PHF3: variants seen among roughly 807,000 people sequenced by gnomAD.
The protein encoded by PHF3 is PHD finger protein 3.
A neutral mutation model predicts 178.4 loss-of-function variants in PHF3; 41 were observed. That is an observed-to-expected ratio of 0.23 (90% CI 0.18 to 0.30). The LOEUF is 0.30. PHF3 is among the 10% of genes least tolerant of loss of function. The pLI is 1.00. For missense variants in PHF3, 2,346 were observed against 2,398.1 expected (o/e 0.98, Z 0.45); for synonymous variants, 842 against 800.5 (o/e 1.05, Z -0.88).
rs566159791 is a variant in PHF3, at chr6:63,662,329, G to T, written c.244+15534G>T. Among the ~76,000 whole-genome samples, 28 of 152,184 alleles carry T rather than the reference G, an allele frequency of 1.8e-4. 1 individual carries two copies. The South Asian group carries it at 5.6e-3, about 30-fold the overall frequency. On this transcript the variant is annotated intron_variant, in intron 2 of 15. Transcript: ENST00000262043. ...AAGCTCCACAGCTTCAGACACAAAG[G>T]AAGATCATTTTGGTATAATTTTTGT... is the stretch of plus-strand genomic sequence containing the variant.
intron 11 of PHF3, among the ~76,000 whole-genome samples, chr6:63,705,172 C>T (rs1254935083): frequency 6.6e-6 from 1 of 152,202 alleles, no homozygotes; most frequent in Non-Finnish European, 1.5e-5. Flanking sequence ...CTTCATGTTA[C>T]TTCTCGAGAC....
chr6:63,640,014 A>G lies in PHF3; in HGVS notation c.-26+3864A>G, dbSNP rs1021282376. ...AACATCTTCAGATCCTTTCCTAGGG[A>G]CTTAGGTCTGCTTTGGTCTTAGTTG... is the stretch of plus-strand genomic sequence containing the variant. On this transcript the variant is annotated intron_variant, in intron 1 of 15. Transcript: ENST00000262043. Among the ~76,000 whole-genome samples, 5 of 152,132 alleles carry G rather than the reference A, an allele frequency of 3.3e-5. No individual in the cohort carries two copies. The East Asian group carries it at 7.7e-4, about 23-fold the overall frequency.
intron 2 of PHF3, among the ~76,000 whole-genome samples, chr6:63,650,373 A>G (rs994056346): frequency 6.6e-6 from 1 of 151,856 alleles, no homozygotes; most frequent in Non-Finnish European, 1.5e-5. Context: ...TTGAACTCTT[A>G]CAGGTATCCC....
At chr6:63,697,770 TA>T (rs1582098914) in intron 6 of PHF3, among the ~76,000 whole-genome samples, 1 of 152,176 alleles carries the variant, frequency 6.6e-6, no homozygotes, top group East Asian at 1.9e-4. Flanking sequence ...AATGTGCTGG[TA>T]TAATAAGTCA....
Position 63,684,966 on chromosome 6 carries a change from A to C in PHF3, c.1244A>C (p.Glu415Ala). The change falls in exon 4 of 16, where the codon GAG (glutamate) becomes GCG (alanine). Residue 415 changes from glutamate to alanine, a missense_variant. Glu to Ala is a moderately radical substitution (Grantham distance 107, BLOSUM62 -1). This residue lies in a region of PHF3 where 843 missense variants were observed against 795.2 expected (regional missense o/e 1.06). Coordinates refer to ENST00000262043, the MANE Select transcript of PHF3 (RefSeq NM_001370348.2). Reference sequence around the variant, plus strand: ...TCTAATAGGCAGTTGGAGAGCACTGAGTTTAATAAATCAAACTTAGAGGTG... The same window carrying C: ...TCTAATAGGCAGTTGGAGAGCACTGCGTTTAATAAATCAAACTTAGAGGTG... Reference protein sequence around the residue: ...AESNRQLESTEFNKSNLEVVD... With the variant: ...AESNRQLESTAFNKSNLEVVD... 6.2e-7 allele frequency: 1 copy of C among 1,614,048 alleles called. No individual in the cohort carries two copies. Among genetic ancestry groups the C allele is most frequent in the South Asian group, 1.1e-5 (1 of 91,074 alleles).
intron 13 of PHF3, among the ~76,000 whole-genome samples, chr6:63,707,502 GAC>G (rs1486906401): frequency 1.3e-5 from 2 of 152,172 alleles, no homozygotes; most frequent in Non-Finnish European, 2.9e-5. Context: ...TGATAAATGA[GAC>G]AGTGACATTT....
intron 9 of PHF3, among the ~76,000 whole-genome samples, chr6:63,701,560 C>G (rs979851014): frequency 1.3e-5 from 2 of 152,134 alleles, no homozygotes; most frequent in Admixed American, 6.5e-5. Flanking sequence ...CATATTAACT[C>G]TACATGATTT....
At position 63,709,216 on chromosome 6, in the gene PHF3, A is replaced by T. The variant is rs770099050; in HGVS notation, c.3777A>T (p.Glu1259Asp). ...CTCAGACAGTTTGGGATTATGTGGAAAAAATAAAAGCATCAGGAACCAAGG... is the reference window on the plus strand; with the variant it reads ...CTCAGACAGTTTGGGATTATGTGGATAAAATAAAAGCATCAGGAACCAAGG... ...ISPQTVWDYVEKIKASGTKEI... is the reference protein window; with the variant it reads ...ISPQTVWDYVDKIKASGTKEI... Residue 1259 changes from glutamate to aspartate, a missense_variant, in exon 14 of 16, where the codon GAA becomes GAT. Around this residue, in one of 8 missense-constraint regions of PHF3, gnomAD observed 90 missense variants for 136.6 expected, o/e 0.66. Transcript: ENST00000262043. The T allele has an allele frequency of 3.7e-6, 6 of 1,612,208 alleles. No individual in the cohort carries two copies. Among genetic ancestry groups the T allele is most frequent in the Non-Finnish European group, 4.2e-6 (5 of 1,178,682 alleles).
At chr6:63,654,337 G>A (rs939690609) in intron 2 of PHF3, among the ~76,000 whole-genome samples, 4 of 152,062 alleles carry the variant, frequency 2.6e-5, no homozygotes, top group African/African-American at 9.7e-5. Flanking sequence ...CAGATGAGAT[G>A]GAAATACATT....
chr6:63,646,375 T>C (rs1764785702), intron 1 of PHF3, among the ~76,000 whole-genome samples, 152 bp from the exon 2 acceptor site: 1 of 152,200 alleles, frequency 6.6e-6, no homozygotes, highest in Non-Finnish European at 1.5e-5. Context: ...CAAATGTATA[T>C]TCTAAAAACA....
chr6:63,685,219 A>G lies in PHF3; in HGVS notation c.1497A>G (p.Gln499=), dbSNP rs768822085. ...CAAAACCTGTAATTCATTCTAAGCA[A>G]AACATGACCACAGATGCTCCGAAGA... is the stretch of plus-strand genomic sequence containing the variant. ...KHTKPVIHSK[Q]NMTTDAPKKI... Residue 499 remains glutamine (Q), a synonymous_variant, in exon 4 of 16, where the codon CAA becomes CAG. Transcript: ENST00000262043. The G allele has an allele frequency of 5.6e-6, 9 of 1,614,042 alleles. No individual in the cohort carries two copies. The highest frequency in any genetic ancestry group is 6.8e-6 in the Non-Finnish European group (8 of 1,179,992).
Position 63,716,747 on chromosome 6 carries a change from T to A in PHF3, c.*3039T>A, listed in dbSNP as rs1768202808. ...CCTTGGCTCATGATCCCTTCCTCCA[T>A]ATTTGAAGCCAGCAGTGTGGGACCC... On this transcript the variant is annotated 3_prime_UTR_variant, in exon 16 of 16. Coordinates refer to ENST00000262043, the MANE Select transcript of PHF3 (RefSeq NM_001370348.2). Among the ~76,000 whole-genome samples, 1 of 151,938 alleles carries A rather than the reference T, an allele frequency of 6.6e-6. No homozygotes were observed. Among genetic ancestry groups the A allele is most frequent in the African/African-American group, 2.4e-5 (1 of 41,390 alleles).
chr6:63,674,518 G>T (rs1450681601), intron 2 of PHF3, among the ~76,000 whole-genome samples: 1 of 151,654 alleles, frequency 6.6e-6, no homozygotes, highest in African/African-American at 2.4e-5. Flanking sequence ...TCGATGTAGT[G>T]TATCATACCT....
At chr6:63,690,459 G>A (rs903830306) in intron 4 of PHF3, among the ~76,000 whole-genome samples, 2 of 152,136 alleles carry the variant, frequency 1.3e-5, no homozygotes, top group Non-Finnish European at 2.9e-5. Context: ...TAAAAACACT[G>A]TAAGGATTGG....
chr6:63,708,866 C>A (rs930932962), intron 13 of PHF3, among the ~76,000 whole-genome samples: 4 of 152,160 alleles, frequency 2.6e-5, no homozygotes, highest in African/African-American at 9.7e-5. Context: ...ATGTGGTATG[C>A]TTGCCATTGC....
Position 63,713,787 on chromosome 6 carries a change from C to A in PHF3, c.*79C>A. ...TTGTAAACAAAAGAAAGATTGCCTGCTAGGATTGTGCCATCTTTAAAATTT... is the reference window on the plus strand; with the variant it reads ...TTGTAAACAAAAGAAAGATTGCCTGATAGGATTGTGCCATCTTTAAAATTT... On this transcript the variant is annotated 3_prime_UTR_variant, in exon 16 of 16. Transcript: ENST00000262043. 1.6e-6 allele frequency: 2 copies of A among 1,222,594 alleles called. No homozygotes were observed. The highest frequency in any genetic ancestry group is 2.2e-6 in the Non-Finnish European group (2 of 893,588). 75.7% of individuals were successfully genotyped at this position (1,222,594 alleles called of 1,614,324 possible). A position where few individuals can be genotyped will look rare whatever the true frequency, so the allele number is the denominator to read the frequency against.
intron 3 of PHF3, among the ~76,000 whole-genome samples, chr6:63,680,866 A>G (rs536072601): frequency 5.9e-5 from 9 of 152,144 alleles, no homozygotes; most frequent in East Asian, 1.9e-4. Context: ...GCCTGATGCA[A>G]AGCTGTTCAG....
intron 1 of PHF3, among the ~76,000 whole-genome samples, chr6:63,644,464 ACT>A (rs1284587178): frequency 6.6e-6 from 1 of 152,154 alleles, no homozygotes; most frequent in East Asian, 1.9e-4. Flanking sequence ...TTTCTTTGGC[ACT>A]GAGATGATAT....
chr6:63,668,249 T>C (rs541124542), intron 2 of PHF3, among the ~76,000 whole-genome samples: 1 of 152,254 alleles, frequency 6.6e-6, no homozygotes, highest in South Asian at 2.1e-4. Context: ...GAGTTAGGAG[T>C]TGGAGGAATG....
Sources: gnomAD v4.1 joint callset for allele counts (sites outside exome capture counted in the v4.1 genomes callset) on GRCh38, gnomAD v4.1.1 for gene constraint, gnomAD v4.1.1 regional missense constraint, MANE v1.5 for transcripts, NCBI Gene and HGNC (gene_info 2026-07-23, HGNC 2026-07-21) for gene names.